TRPV6: variants seen among roughly 807,000 people sequenced by gnomAD.
TRPV6 encodes the protein Alu-binding protein with zinc finger domain.
In TRPV6, 39 loss-of-function variants were observed where a neutral mutation model predicts 79.0. The observed-to-expected ratio is 0.49, with a 90% CI of 0.38 to 0.64. The LOEUF (loss-of-function observed/expected upper bound fraction) is 0.64. TRPV6 is among the 30% of genes least tolerant of loss of function. The pLI, the probability that TRPV6 is intolerant of heterozygous loss-of-function variation, is 0.00. For missense variants in TRPV6, 813 were observed against 1,011.1 expected, an observed-to-expected ratio of 0.80 and a Z score of 2.66; for synonymous variants, 373 against 391.9, an observed-to-expected ratio of 0.95 and a Z score of 0.57.
Position 142,877,994 on chromosome 7 carries a change from T to A in TRPV6, c.281A>T (p.Lys94Ile), listed in dbSNP as rs1795114089. ...GTTCAGGGCCTGGACATCATTATCT[T>A]TGGCAGCTAGAAGGAGAGGAGACTC... The change falls in exon 2 of 15, where the codon AAA becomes ATA. Residue 94 changes from lysine (K) to isoleucine (I), a missense_variant. Around this residue, in one of 3 missense-constraint regions of TRPV6, gnomAD observed 555 missense variants for 631.0 expected, o/e 0.88. Transcript: ENST00000359396. 1 of 1,614,062 alleles carries A rather than the reference T, an allele frequency of 6.2e-7. No individual in the cohort carries two copies. The highest frequency in any genetic ancestry group is 8.5e-7 in the Non-Finnish European group (1 of 1,180,034).
chr7:142,876,358 A>G (rs1795067953), intron 6 of TRPV6, 50 bp downstream of exon 6: 2 of 1,579,216 alleles, frequency 1.3e-6, no homozygotes, highest in South Asian at 2.3e-5. Context: ...CCAGCGGGAT[A>G]GGTTGAGGGT....
chr7:142,885,702 A>G lies in TRPV6; in HGVS notation c.-66T>C. 1.4e-6 allele frequency: 1 copy of G among 737,050 alleles called. No individual in the cohort carries two copies. The highest frequency in any genetic ancestry group is 2.1e-6 in the Non-Finnish European group (1 of 486,042). 45.7% of individuals were successfully genotyped at this position (737,050 alleles called of 1,614,324 possible). On this transcript the variant is annotated 5_prime_UTR_variant, in exon 1 of 15. Coordinates refer to ENST00000359396, the MANE Select transcript of TRPV6 (RefSeq NM_018646.6). ...CCCAGCAGCCCCAGCCAGTTTGGAG[A>G]GGGCTGTGAGTTTGTTACACTTGGC...
At position 142,876,760 on chromosome 7, in the gene TRPV6, T is replaced by C; in HGVS notation, c.685A>G (p.Ile229Val). The change falls in exon 5 of 15, where the codon ATC becomes GTC. Residue 229 changes from isoleucine to valine, a missense_variant. Around this residue, in one of 3 missense-constraint regions of TRPV6, gnomAD observed 555 missense variants for 631.0 expected, o/e 0.88. Transcript: ENST00000359396. ...TTACCCAGGGAGTCCTGGGCCCGGA[T>C]GTCAGCTCCATGCTCAATGAGCAGC... is the stretch of plus-strand genomic sequence containing the variant. 6.2e-6 allele frequency: 10 copies of C among 1,614,078 alleles called. No individual in the cohort carries two copies. Among genetic ancestry groups the C allele is most frequent in the Non-Finnish European group, 8.5e-6 (10 of 1,180,012 alleles).
At chr7:142,872,902 A>T (rs1269451300) in intron 13 of TRPV6, among the ~76,000 whole-genome samples, 1 of 152,120 alleles carries the variant, frequency 6.6e-6, no homozygotes, top group African/African-American at 2.4e-5. Context: ...AGTTTGGGAA[A>T]TTTCCATTAT....
rs541889808 is a variant in TRPV6 at position 142,885,608 on chromosome 7, G to A, written c.29C>T (p.Pro10Leu). Residue 10 changes from proline (P) to leucine (L), a missense_variant, in exon 1 of 15, where the codon CCG becomes CTG. This residue lies in a region of TRPV6 where 555 missense variants were observed against 631.0 expected (regional missense o/e 0.88). Coordinates refer to ENST00000359396, the MANE Select transcript of TRPV6 (RefSeq NM_018646.6). ...GGCCACATCAGCCCCCCCAAGGGCC[G>A]GCCCACCGTCTCCCTGTAGAGGTCC... 3.1e-4 allele frequency: 454 copies of A among 1,481,808 alleles called. 1 individual carries two copies. The highest frequency in any genetic ancestry group is 4.0e-4 in the African/African-American group (28 of 70,762). The allele number at this position is 1,481,808 out of a possible 1,614,324, so 91.8% of individuals were successfully genotyped here.
Position 142,875,915 on chromosome 7 carries a change from G to A in TRPV6, c.883-11C>T. The A allele has an allele frequency of 6.4e-7, 1 of 1,565,592 alleles. No homozygotes were observed. The highest frequency in any genetic ancestry group is 1.2e-5 in the South Asian group (1 of 82,434). Reference sequence around the variant, plus strand: ...CAGGTGCTGAAACATCTAAGGGAAAGTGAAGATGACTCAGGAGCAGTAAGC... The same window carrying A: ...CAGGTGCTGAAACATCTAAGGGAAAATGAAGATGACTCAGGAGCAGTAAGC... On this transcript the variant is annotated splice_polypyrimidine_tract_variant and intron_variant, in intron 6 of 14. Transcript: ENST00000359396.
Position 142,873,826 on chromosome 7 carries a change from CT to C in TRPV6, c.1640-111del. The C allele has an allele frequency of 6.9e-7, 1 of 1,455,642 alleles. No homozygotes were observed. Among genetic ancestry groups the C allele is most frequent in the Non-Finnish European group, 9.4e-7 (1 of 1,061,226 alleles). 90.2% of individuals were successfully genotyped at this position (1,455,642 alleles called of 1,614,324 possible). A position where few individuals can be genotyped will look rare whatever the true frequency, so the allele number is the denominator to read the frequency against. On this transcript the variant is annotated intron_variant, in intron 12 of 14. Coordinates refer to ENST00000359396, the MANE Select transcript of TRPV6 (RefSeq NM_018646.6). The surrounding 1 kb of genome is among the most constrained non-coding windows in gnomAD (Gnocchi z 4.8). ...GGTCCCTTCATCTCAATATCACCAG[CT>C]CTGCAGTGCTCCAAACTTTGGGTTT... is the stretch of plus-strand genomic sequence containing the variant.
chr7:142,873,478 G>A lies in TRPV6; in HGVS notation c.1878C>T (p.Ala626=), dbSNP rs1320590105. The change falls in exon 13 of 15, where the codon GCC becomes GCT. Residue 626 remains alanine (A), a synonymous_variant. Transcript: ENST00000359396. This position sits in a 1 kb window ranked among gnomAD's most constrained non-coding sequence, Gnocchi z 4.8. Reference sequence around the variant, plus strand: ...CCCTCCACAGCTCATCCCGCTCATGGGCCACTCGCCAGTGAGTGTCGCCCA... The same window carrying A: ...CCCTCCACAGCTCATCCCGCTCATGAGCCACTCGCCAGTGAGTGTCGCCCA... 3.7e-6 allele frequency: 6 copies of A among 1,614,006 alleles called. No individual in the cohort carries two copies. Among genetic ancestry groups the A allele is most frequent in the East Asian group, 2.2e-5 (1 of 44,868 alleles).
At position 142,873,739 on chromosome 7, in the gene TRPV6, G is replaced by C; in HGVS notation, c.1640-23C>G. The C allele has an allele frequency of 1.9e-6, 3 of 1,610,416 alleles. No homozygotes were observed. The highest frequency in any genetic ancestry group is 2.5e-6 in the Non-Finnish European group (3 of 1,177,014). On this transcript the variant is annotated intron_variant, in intron 12 of 14. Coordinates refer to ENST00000359396, the MANE Select transcript of TRPV6 (RefSeq NM_018646.6). The surrounding 1 kb of genome is among the most constrained non-coding windows in gnomAD (Gnocchi z 4.8). Reference sequence around the variant, plus strand: ...AGGCTGCTCCACCCAAGGGGGTGAGGGTTACCATGGCAACCATGCAGACGA... The same window carrying C: ...AGGCTGCTCCACCCAAGGGGGTGAGCGTTACCATGGCAACCATGCAGACGA...
rs2116512060 is a variant in TRPV6 at position 142,874,690 on chromosome 7, G to A, written c.1407-34C>T. On this transcript the variant is annotated intron_variant, in intron 10 of 14. Coordinates refer to ENST00000359396, the MANE Select transcript of TRPV6 (RefSeq NM_018646.6). ...GCAGGGAGGAGGGTGATGAGGGGAG[G>A]GCTGGGATGATCCTGGGGACCTGAC... 3.7e-6 allele frequency: 6 copies of A among 1,601,840 alleles called. No individual in the cohort carries two copies. In the East Asian group the frequency reaches 1.3e-4, roughly 36 times the overall value.
chr7:142,881,559 G>A (rs1366294133), intron 1 of TRPV6: 2 of 152,190 alleles, frequency 1.3e-5, no homozygotes, highest in African/African-American at 2.4e-5. Context: ...AGTCAAAAGA[G>A]ATTATAGAGC....
In TRPV6 at chr7:142,874,917, A is replaced by G; in HGVS notation, c.1393T>C (p.Phe465Leu). 4 of 1,614,144 alleles carry G rather than the reference A, an allele frequency of 2.5e-6. No homozygotes were observed. The highest frequency in any genetic ancestry group is 3.4e-6 in the Non-Finnish European group (4 of 1,180,026). Residue 465 changes from phenylalanine to leucine, a missense_variant, in exon 10 of 15, where the codon TTC becomes CTC. Around this residue, in one of 3 missense-constraint regions of TRPV6, gnomAD observed 555 missense variants for 631.0 expected, o/e 0.88. Transcript: ENST00000359396. ...AAGGAAACTCACATGAGGACATGGA[A>G]TGGGCCCCCAAGGATGGTCTGTCCA...
intron 1 of TRPV6, 86 bp from the exon 2 acceptor site, chr7:142,878,112 A>G: frequency 9.0e-7 from 1 of 1,111,756 alleles, no homozygotes; most frequent in Non-Finnish European, 1.4e-6. Context: ...CCATTATTAT[A>G]CACAGATGTG....
In TRPV6 at chr7:142,875,764, C is replaced by T. The variant is rs375439015; in HGVS notation, c.1023G>A (p.Lys341=). Reference sequence around the variant, plus strand: ...CTGCTGTCATGAGCCATACCTCCCGCTTCTTGGTGGTGATGATAAGTTCCA... The same window carrying T: ...CTGCTGTCATGAGCCATACCTCCCGTTTCTTGGTGGTGATGATAAGTTCCA... The change falls in exon 7 of 15, where the codon AAG becomes AAA. Residue 341 remains lysine (K), a synonymous_variant. Coordinates refer to ENST00000359396, the MANE Select transcript of TRPV6 (RefSeq NM_018646.6). 2 of 1,603,448 alleles carry T rather than the reference C, an allele frequency of 1.2e-6. No individual in the cohort carries two copies.
rs973194346 is a variant in TRPV6 at position 142,871,690 on chromosome 7, G to A, written c.*17C>T. 41 of 1,560,388 alleles carry A rather than the reference G, an allele frequency of 2.6e-5. No homozygotes were observed. Among genetic ancestry groups the A allele is most frequent in the African/African-American group, 4.1e-5 (3 of 73,194 alleles). On this transcript the variant is annotated 3_prime_UTR_variant, in exon 15 of 15. Coordinates refer to ENST00000359396, the MANE Select transcript of TRPV6 (RefSeq NM_018646.6). ...AAAATGAGAGCAAGTTCCAGGAAGC[G>A]AAGTGAGAACACGCAGTCAGATCTG...
Position 142,874,590 on chromosome 7 carries a change from C to G in TRPV6, c.1473G>C (p.Val491=). 1 of 1,614,074 alleles carries G rather than the reference C, an allele frequency of 6.2e-7. No homozygotes were observed. The highest frequency in any genetic ancestry group is 8.5e-7 in the Non-Finnish European group (1 of 1,180,016). ...GCACGAGTGCAAAGGACATGGGTAC[C>G]ACCTCCCCGCTGGCACTGATGAGCC... Residue 491 remains valine (V), a synonymous_variant, in exon 11 of 15, where the codon GTG becomes GTC. Coordinates refer to ENST00000359396, the MANE Select transcript of TRPV6 (RefSeq NM_018646.6).
intron 1 of TRPV6, chr7:142,878,729 T>C (rs527833824): frequency 6.6e-6 from 1 of 152,436 alleles, no homozygotes; most frequent in East Asian, 1.9e-4. Context: ...TGTCTCTTCC[T>C]TTCTGCCTCT....
Position 142,873,864 on chromosome 7 carries a change from A to G in TRPV6, c.1640-148T>C, listed in dbSNP as rs1013212397. On this transcript the variant is annotated intron_variant, in intron 12 of 14. Coordinates refer to ENST00000359396, the MANE Select transcript of TRPV6 (RefSeq NM_018646.6). The surrounding 1 kb of genome is among the most constrained non-coding windows in gnomAD (Gnocchi z 4.8). Reference sequence around the variant, plus strand: ...CAAACTTTGGGTTTTTACGGTCCCTAGTTTTGTATGAGCCTCATCTTGATC... The same window carrying G: ...CAAACTTTGGGTTTTTACGGTCCCTGGTTTTGTATGAGCCTCATCTTGATC... 2.3e-5 allele frequency: 27 copies of G among 1,196,778 alleles called. No homozygotes were observed. Among genetic ancestry groups the G allele is most frequent in the Non-Finnish European group, 3.2e-5 (27 of 846,258 alleles). 74.1% of individuals were successfully genotyped at this position (1,196,778 alleles called of 1,614,324 possible). A position where few individuals can be genotyped will look rare whatever the true frequency, so the allele number is the denominator to read the frequency against.
At chr7:142,884,396 A>G (rs936218445) in intron 1 of TRPV6, 1 of 152,250 alleles carries the variant, frequency 6.6e-6, no homozygotes, top group Non-Finnish European at 1.5e-5. Flanking sequence ...CAAAGACTTC[A>G]GGCTTTCCTC....
Sources: gnomAD v4.1 joint callset for allele counts (sites outside exome capture counted in the v4.1 genomes callset) on GRCh38, gnomAD v4.1.1 for gene constraint, gnomAD v4.1.1 regional missense constraint, Gnocchi (gnomAD v3.1) non-coding constraint, MANE v1.5 for transcripts, NCBI Gene and HGNC (gene_info 2026-07-23, HGNC 2026-07-21) for gene names.